TIAM2: variants seen among roughly 807,000 people sequenced by gnomAD.
TIAM2 encodes the protein TIAM Rac1 associated GEF 2.
TIAM2 carries 80 observed loss-of-function variants against 152.9 expected under a neutral mutation model. That is an observed-to-expected ratio of 0.52 (90% CI 0.44 to 0.63). The LOEUF (loss-of-function observed/expected upper bound fraction) is 0.63. TIAM2 is among the 30% of genes least tolerant of loss of function. The pLI, the probability that TIAM2 is intolerant of heterozygous loss-of-function variation, is 0.00. For missense variants in TIAM2, 1,965 were observed against 2,120.1 expected, an observed-to-expected ratio of 0.93 and a Z score of 1.44; for synonymous variants, 804 against 838.0, an observed-to-expected ratio of 0.96 and a Z score of 0.70.
chr6:155,187,832 C>G (rs1431000640), intron 14 of TIAM2, among the ~76,000 whole-genome samples: 1 of 152,088 alleles, frequency 6.6e-6, no homozygotes, highest in Non-Finnish European at 1.5e-5. Context: ...CCCGCCTCGA[C>G]CTCCCAAAGT....
intron 14 of TIAM2, among the ~76,000 whole-genome samples, chr6:155,192,059 A>AGG (rs746762074): frequency 6.6e-6 from 1 of 152,140 alleles, no homozygotes; most frequent in Non-Finnish European, 1.5e-5. Context: ...GTGTAGTCAC[A>AGG]GGGGTCTTTA....
chr6:155,192,985 A>G (rs1163883115), intron 14 of TIAM2, among the ~76,000 whole-genome samples: 2 of 152,170 alleles, frequency 1.3e-5, no homozygotes, highest in East Asian at 1.9e-4. Flanking sequence ...TCATTGGCCT[A>G]TCTTGTACTT....
intron 1 of TIAM2, among the ~76,000 whole-genome samples, chr6:155,059,969 T>C (rs1777538917): frequency 6.6e-6 from 1 of 152,196 alleles, no homozygotes; most frequent in Admixed American, 6.5e-5. Flanking sequence ...TTGGGAGACA[T>C]ACAGATATAC....
At chr6:155,201,005 A>G (rs1046324907) in intron 14 of TIAM2, among the ~76,000 whole-genome samples, 1 of 152,190 alleles carries the variant, frequency 6.6e-6, no homozygotes, top group Non-Finnish European at 1.5e-5. Context: ...CTATGAATCT[A>G]CTTTCTGTTT....
In TIAM2 at chr6:155,154,383, A is replaced by G. The variant is rs566565084; in HGVS notation, c.2028+6049A>G. On this transcript the variant is annotated intron_variant, in intron 7 of 26. Transcript: ENST00000682666. ...AAAAAGGCACTATCGCAGTTGTAAC[A>G]TACCGGCTGAGCTACATACGGTCAG... 2.6e-5 allele frequency among the ~76,000 whole-genome samples: 4 copies of G among 152,296 alleles called. No individual in the cohort carries two copies. The South Asian group carries it at 8.3e-4, about 32-fold the overall frequency.
rs983683572 is a variant in TIAM2, at chr6:155,137,533, C to T, written c.1551C>T (p.Pro517=). The change falls in exon 5 of 27, where the codon CCC becomes CCT. Residue 517 remains proline (P), a synonymous_variant. Transcript: ENST00000682666. The stretch of plus-strand genomic sequence containing the variant: ...AGGCCGGGTGGCTCTTCTTCAAGCC[C>T]CTGGTCACTGTGCAGAAGGAAAGGA... ...VRKAGWLFFK[P]LVTVQKERKL... is the part of the protein sequence containing the mutation. 5.0e-6 allele frequency: 8 copies of T among 1,613,728 alleles called. No homozygotes were observed. Among genetic ancestry groups the T allele is most frequent in the African/African-American group, 1.3e-5 (1 of 74,924 alleles).
intron 2 of TIAM2, among the ~76,000 whole-genome samples, chr6:155,106,424 A>G (rs1455929550): frequency 6.6e-6 from 1 of 152,196 alleles, no homozygotes; most frequent in East Asian, 1.9e-4. Context: ...TTCATTTTTA[A>G]TAAAAAAGCA....
chr6:155,175,308 A>C (rs1414080227), intron 9 of TIAM2, among the ~76,000 whole-genome samples: 1 of 152,206 alleles, frequency 6.6e-6, no homozygotes, highest in Non-Finnish European at 1.5e-5. Context: ...TCTTCTTTTA[A>C]ATTTCTTTAC....
At chr6:155,245,942 G>A (rs1783301799) in intron 19 of TIAM2, among the ~76,000 whole-genome samples, 1 of 152,108 alleles carries the variant, frequency 6.6e-6, no homozygotes, top group Non-Finnish European at 1.5e-5. Flanking sequence ...TAAGAGCAGA[G>A]ATGTTGCTTT....
chr6:155,159,307 C>A (rs1278582087), intron 7 of TIAM2, among the ~76,000 whole-genome samples: 3 of 152,066 alleles, frequency 2.0e-5, no homozygotes, highest in Non-Finnish European at 4.4e-5. Context: ...ATAAAGTGGA[C>A]AGGTAAAAAT....
At chr6:155,082,792 A>AT (rs1283720181) in intron 1 of TIAM2, among the ~76,000 whole-genome samples, 1 of 151,966 alleles carries the variant, frequency 6.6e-6, no homozygotes, top group Non-Finnish European at 1.5e-5. Context: ...AAAGTAGGGT[A>AT]TTTTGCCTAT....
At chr6:155,092,740 A>G (rs1473609069) in intron 2 of TIAM2, among the ~76,000 whole-genome samples, 1 of 152,144 alleles carries the variant, frequency 6.6e-6, no homozygotes, top group Non-Finnish European at 1.5e-5. Context: ...CTGTAATCCC[A>G]GCTACTTGGG....
chr6:155,114,330 C>T (rs1002815681), intron 2 of TIAM2, among the ~76,000 whole-genome samples: 1 of 151,850 alleles, frequency 6.6e-6, no homozygotes, highest in African/African-American at 2.4e-5. Flanking sequence ...GTTGGGATTA[C>T]AGGCGTGAGC....
chr6:155,106,703 G>GCTC (rs1778698805), intron 2 of TIAM2, among the ~76,000 whole-genome samples: 1 of 152,200 alleles, frequency 6.6e-6, no homozygotes, highest in South Asian at 2.1e-4. Flanking sequence ...AGAAGCTGAG[G>GCTC]CTCCCTTCAA....
At chr6:155,251,635 T>G (rs562447089) in intron 22 of TIAM2, among the ~76,000 whole-genome samples, 3 of 152,322 alleles carry the variant, frequency 2.0e-5, no homozygotes, top group South Asian at 4.1e-4. Context: ...GTTTTAATTC[T>G]GAGAGTTGGG....
At chr6:155,048,652 ACT>A (rs1777256361) in intron 1 of TIAM2, among the ~76,000 whole-genome samples, 1 of 151,924 alleles carries the variant, frequency 6.6e-6, no homozygotes, top group Non-Finnish European at 1.5e-5. Context: ...AGTGAAGGAG[ACT>A]CGGGAGGCCG....
At chr6:155,252,870 ACTT>A in intron 23 of TIAM2, 75 bp from the exon 24 acceptor site, 1 of 1,321,486 alleles carries the variant, frequency 7.6e-7, no homozygotes, top group Non-Finnish European at 1.1e-6. Flanking sequence ...GAGAACATAA[ACTT>A]CTATTCACTG....
Position 155,218,068 on chromosome 6 carries a change from T to C in TIAM2, c.3168+6761T>C, listed in dbSNP as rs1314285704. The stretch of plus-strand genomic sequence containing the variant: ...TCTTGGAGTTTTCGTCTTCCTTTGG[T>C]GTATACTTGCCTGCATTATTGCAAG... On this transcript the variant is annotated intron_variant, in intron 15 of 26. Transcript: ENST00000682666. The surrounding 1 kb of genome is among the most constrained non-coding windows in gnomAD (Gnocchi z 4.5). Among the ~76,000 whole-genome samples the C allele has an allele frequency of 6.6e-6, 1 of 152,212 alleles. No homozygotes were observed. Among genetic ancestry groups the C allele is most frequent in the African/African-American group, 2.4e-5 (1 of 41,420 alleles).
chr6:155,042,964 T>C (rs1777082152), intron 1 of TIAM2, among the ~76,000 whole-genome samples: 1 of 152,196 alleles, frequency 6.6e-6, no homozygotes, highest in Non-Finnish European at 1.5e-5. Context: ...ATAGTAGTAG[T>C]AATCGTCATG....
Sources: allele counts gnomAD v4.1 joint callset (sites outside exome capture counted in the v4.1 genomes callset), GRCh38; gene constraint gnomAD v4.1.1; non-coding constraint Gnocchi (gnomAD v3.1); transcripts MANE v1.5; gene names NCBI Gene and HGNC (gene_info 2026-07-23, HGNC 2026-07-21).